KLHL13: variants seen among roughly 807,000 people sequenced by gnomAD.
KLHL13 encodes kelch like family member 13.
KLHL13 carries 10 observed loss-of-function variants against 37.1 expected under a neutral mutation model. That is an observed-to-expected ratio of 0.27 (90% CI 0.17 to 0.46). KLHL13 has a LOEUF of 0.46. Ranked by LOEUF, KLHL13 falls within the 20% of genes least tolerant of loss-of-function variation. The probability of loss-of-function intolerance (pLI) is 1.00; values close to 1 mark genes in which losing one functional copy is unlikely to be tolerated. For synonymous variants in KLHL13, 163 were observed against 181.2 expected (o/e 0.90, Z 0.81); for missense variants, 360 against 509.3 (o/e 0.71, Z 2.82).
At chrX:118,069,109 T>TCACACA (rs771534683) in intron 1 of KLHL13, among the ~76,000 whole-genome samples, 1,711 of 83,940 alleles carry the variant, frequency 0.02, 62 homozygotes, top group African/African-American at 0.073. Context: ...TCCAGAAGAG[T>TCACACA]CACACACACA....
intron 1 of KLHL13, among the ~76,000 whole-genome samples, chrX:118,034,200 A>T (rs1300866165): frequency 1.9e-5 from 2 of 104,970 alleles, no homozygotes; most frequent in African/African-American, 7.7e-5. Context: ...AAAGTTAACA[A>T]GGATATCCAG....
chrX:117,981,950 A>T (rs1468464351), intron 1 of KLHL13, among the ~76,000 whole-genome samples: 2 of 111,143 alleles, frequency 1.8e-5, no homozygotes. Context: ...ACAGTGTAAG[A>T]TTGTCTCCTT....
chrX:118,057,477 T>C (rs1489232372), intron 1 of KLHL13, among the ~76,000 whole-genome samples: 1 of 112,321 alleles, frequency 8.9e-6, no homozygotes, highest in Non-Finnish European at 1.9e-5. Context: ...CAATAGATAA[T>C]TTGGACTTAA....
chrX:117,956,024 T>C (rs755981492), intron 1 of KLHL13, among the ~76,000 whole-genome samples: 27 of 111,493 alleles, frequency 2.4e-4, no homozygotes, highest in Non-Finnish European at 4.1e-4. Context: ...TCCACCATTT[T>C]ACTACACTCC....
intron 1 of KLHL13, among the ~76,000 whole-genome samples, chrX:118,020,387 T>C (rs186042530): frequency 8.9e-6 from 1 of 111,811 alleles, no homozygotes. Context: ...CTTAAGGAGA[T>C]TTTGGGCTGA....
intron 1 of KLHL13, among the ~76,000 whole-genome samples, chrX:118,011,617 A>C (rs1315847126): frequency 9.0e-6 from 1 of 111,496 alleles, no homozygotes; most frequent in African/African-American, 3.3e-5. Context: ...AAGTGGACTT[A>C]GAGACTAACT....
At chrX:118,027,648 TACACACACAC>T (rs34640779) in intron 1 of KLHL13, among the ~76,000 whole-genome samples, 5 of 103,803 alleles carry the variant, frequency 4.8e-5, no homozygotes, top group Admixed American at 2.1e-4. Flanking sequence ...TCTCCACACA[TACACACACAC>T]ACACACACAC....
chrX:118,083,853 T>C (rs1174767776), intron 1 of KLHL13, among the ~76,000 whole-genome samples: 1 of 111,803 alleles, frequency 8.9e-6, no homozygotes, highest in Non-Finnish European at 1.9e-5. Context: ...AATTATCATG[T>C]ATCAATTTAA....
At chrX:117,960,363 C>T (rs772676190) in intron 1 of KLHL13, among the ~76,000 whole-genome samples, 19 of 111,129 alleles carry the variant, frequency 1.7e-4, no homozygotes, top group Non-Finnish European at 3.2e-4. Flanking sequence ...TTAGAAATGC[C>T]ACTTCTGAGG....
upstream of KLHL13, among the ~76,000 whole-genome samples, chrX:117,974,683 T>C (rs2053575553): frequency 8.9e-6 from 1 of 111,916 alleles, no homozygotes; most frequent in South Asian, 3.8e-4. Context: ...AAACTACTAT[T>C]TTCCTGTGAA....
chrX:117,972,583 C>T (rs1285519645), intron 1 of KLHL13: 1 of 449,680 alleles, frequency 2.2e-6, no homozygotes, highest in Admixed American at 4.2e-5. Context: ...TGTGGGCATG[C>T]CAACATCTTT....
rs191276223 is a variant in KLHL13 at position 117,905,820 on chromosome X, A to G, written c.1366+3481T>C. On this transcript the variant is annotated intron_variant, in intron 5 of 6. Transcript: ENST00000262820. The stretch of plus-strand genomic sequence containing the variant: ...TCTGTGTTACGAATAATCCAATTAT[A>G]TATACTCATACTTATTGTAAAACAT... Among the ~76,000 whole-genome samples the G allele has an allele frequency of 1.3e-3, 142 of 111,516 alleles. 1 individual carries two copies. The East Asian group carries it at 0.034, about 27-fold the overall frequency.
At chrX:118,067,317 T>C (rs1263880791) in intron 1 of KLHL13, among the ~76,000 whole-genome samples, 1 of 111,672 alleles carries the variant, frequency 9.0e-6, no homozygotes, top group African/African-American at 3.3e-5. Context: ...GAATGGAACC[T>C]GCAGGACTGG....
At chrX:117,957,329 C>T (rs756463015) in intron 1 of KLHL13, among the ~76,000 whole-genome samples, 1 of 111,890 alleles carries the variant, frequency 8.9e-6, no homozygotes, top group South Asian at 3.7e-4. Flanking sequence ...CACTGCTTGC[C>T]GAACAGAAGC....
At chrX:117,904,635 G>A (rs1026784599) in intron 5 of KLHL13, among the ~76,000 whole-genome samples, 1 of 112,091 alleles carries the variant, frequency 8.9e-6, no homozygotes, top group Admixed American at 9.5e-5. Context: ...AGACTATTTT[G>A]TAACTTATGA....
chrX:118,071,406 T>A (rs2054863225), intron 1 of KLHL13, among the ~76,000 whole-genome samples: 1 of 111,544 alleles, frequency 9.0e-6, no homozygotes. Flanking sequence ...CTCCACATCC[T>A]CTCCAGCATC....
intron 4 of KLHL13, among the ~76,000 whole-genome samples, chrX:117,917,334 A>G (rs1231006160): frequency 2.7e-5 from 3 of 111,413 alleles, no homozygotes; most frequent in Non-Finnish European, 5.7e-5. Flanking sequence ...GGTAGGAGTA[A>G]ACTCTATCAC....
intron 1 of KLHL13, among the ~76,000 whole-genome samples, chrX:117,956,035 T>C (rs755990638): frequency 2.5e-4 from 28 of 111,471 alleles, no homozygotes; most frequent in African/African-American, 9.1e-4. Context: ...ACTACACTCC[T>C]AGAAAGCCAG....
intron 1 of KLHL13, among the ~76,000 whole-genome samples, chrX:118,075,702 A>T (rs2148122216): frequency 8.9e-6 from 1 of 111,864 alleles, no homozygotes. Flanking sequence ...CATGTAGGAT[A>T]GGATGAGGAG....
Sources: allele counts gnomAD v4.1 joint callset (sites outside exome capture counted in the v4.1 genomes callset), GRCh38; gene constraint gnomAD v4.1.1; transcripts MANE v1.5; gene names NCBI Gene and HGNC (gene_info 2026-07-23, HGNC 2026-07-21).